RAD50: variants seen among roughly 807,000 people sequenced by gnomAD.
RAD50 encodes the protein RAD50 double strand break repair protein, also known as DNA repair protein RAD50.
RAD50 carries 132 observed loss-of-function variants against 168.8 expected under a neutral mutation model. The ratio of observed to expected loss-of-function variants is 0.78; its 90% confidence interval spans 0.68 to 0.90. The LOEUF (loss-of-function observed/expected upper bound fraction) is 0.90. Ranked by LOEUF, RAD50 falls within the 40% of genes least tolerant of loss-of-function variation. The pLI is 0.00. For missense variants in RAD50, 1,347 were observed against 1,534.4 expected (o/e 0.88, Z 2.04); for synonymous variants, 525 against 497.4 (o/e 1.06, Z -0.74).
At chr5:132,582,785 C>A (rs1292945904) in intron 5 of RAD50, among the ~76,000 whole-genome samples, 1 of 152,070 alleles carries the variant, frequency 6.6e-6, no homozygotes, top group Non-Finnish European at 1.5e-5. Context: ...GCTTTAAACC[C>A]TTGGCTGTTT....
Position 132,557,142 on chromosome 5 carries a change from C to A in RAD50, c.-183C>A. The A allele has an allele frequency of 2.4e-6, 2 of 841,774 alleles. No individual in the cohort carries two copies. The highest frequency in any genetic ancestry group is 3.8e-6 in the Non-Finnish European group (2 of 527,854). 52.1% of individuals were successfully genotyped at this position (841,774 alleles called of 1,614,324 possible). A position where few individuals can be genotyped will look rare whatever the true frequency, so the allele number is the denominator to read the frequency against. On this transcript the variant is annotated 5_prime_UTR_variant, in exon 1 of 25. Transcript: ENST00000378823. ...TGGTGTGGGAGGAAAGGCTCCATCC[C>A]CCGCCCCCTCTCTCCCGCTGTTGGC...
At chr5:132,625,400 A>T (rs990257211) in intron 21 of RAD50, among the ~76,000 whole-genome samples, 26 of 151,998 alleles carry the variant, frequency 1.7e-4, no homozygotes, top group African/African-American at 2.9e-4. Flanking sequence ...TCTTTTTTTT[A>T]AAAAAAGTTT....
At chr5:132,566,837 A>G (rs1750218014) in intron 2 of RAD50, among the ~76,000 whole-genome samples, 1 of 151,978 alleles carries the variant, frequency 6.6e-6, no homozygotes, top group African/African-American at 2.4e-5. Context: ...TCACGTAGTG[A>G]CTCAGATCTT....
intron 21 of RAD50, among the ~76,000 whole-genome samples, chr5:132,624,383 GT>G (rs199857038): frequency 1.3e-5 from 2 of 151,416 alleles, no homozygotes; most frequent in South Asian, 2.1e-4. Context: ...TTGTTTTTTG[GT>G]TTTTTTTGCC....
At chr5:132,595,984 CCTGT>C (rs1750785923) in intron 13 of RAD50, among the ~76,000 whole-genome samples, 174 bp downstream of exon 13, 1 of 151,860 alleles carries the variant, frequency 6.6e-6, no homozygotes, top group Non-Finnish European at 1.5e-5. Context: ...AAGCTTGTTT[CCTGT>C]CTTTTTTTCT....
At chr5:132,572,668 G>A (rs1750327410) in intron 2 of RAD50, among the ~76,000 whole-genome samples, 1 of 152,100 alleles carries the variant, frequency 6.6e-6, no homozygotes, top group Non-Finnish European at 1.5e-5. Flanking sequence ...CTTTAAGGGA[G>A]CATATTAAAT....
chr5:132,579,861 G>A lies in RAD50; in HGVS notation c.552-1G>A, dbSNP rs1236278956. 1.2e-6 allele frequency: 2 copies of A among 1,607,466 alleles called. No individual in the cohort carries two copies. Among genetic ancestry groups the A allele is most frequent in the Admixed American group, 3.3e-5 (2 of 59,974 alleles). Reference sequence around the variant, plus strand: ...TTGATTTTTGTTTCATATCTTCAAAGATACATTAAAGCCTTAGAAACACTT... The same window carrying A: ...TTGATTTTTGTTTCATATCTTCAAAAATACATTAAAGCCTTAGAAACACTT... On this transcript the variant is annotated splice_acceptor_variant, in intron 4 of 24. Transcript: ENST00000378823. LOFTEE classifies it high-confidence loss of function.
At chr5:132,575,981 T>G (rs955371186) in intron 3 of RAD50, 53 bp downstream of exon 3, 552 of 1,478,510 alleles carry the variant, frequency 3.7e-4, no homozygotes, top group Middle Eastern at 5.7e-4. Flanking sequence ...CTTTTAGGTC[T>G]GTAAGTTGAT....
At chr5:132,602,378 A>T (rs1048223742) in intron 13 of RAD50, among the ~76,000 whole-genome samples, 42 of 152,104 alleles carry the variant, frequency 2.8e-4, no homozygotes, top group African/African-American at 5.8e-4. Context: ...AATTTTTTTT[A>T]AAAGATTAAA....
rs1750643562 is a variant in RAD50 at position 132,588,778 on chromosome 5, T to A, written c.1143T>A (p.Asp381Glu). Residue 381 changes from aspartate (D) to glutamate (E), a missense_variant, in exon 8 of 25, where the codon GAT (aspartate) becomes GAA (glutamate). Transcript: ENST00000378823. ...CTTTGGCAACACAGCTAGAATTGGA[T>A]GGCTTTGAGCGTGGACCATTCAGTG... ...IQSLATQLEL[D>E]GFERGPFSER... 1 of 1,613,992 alleles carries A rather than the reference T, an allele frequency of 6.2e-7. No homozygotes were observed. Among genetic ancestry groups the A allele is most frequent in the African/African-American group, 1.3e-5 (1 of 75,022 alleles).
intron 21 of RAD50, among the ~76,000 whole-genome samples, chr5:132,619,844 A>C (rs1220709168): frequency 1.6e-5 from 2 of 122,158 alleles, no homozygotes; most frequent in African/African-American, 3.1e-5. Context: ...CTCTATATAT[A>C]TATATATAAA....
chr5:132,616,458 G>A (rs983825017), intron 20 of RAD50, among the ~76,000 whole-genome samples: 2 of 152,170 alleles, frequency 1.3e-5, no homozygotes, highest in Non-Finnish European at 2.9e-5. Context: ...CCTTGTCTGG[G>A]TCAGAGCTTG....
chr5:132,609,029 A>C (rs1321840377), intron 17 of RAD50, 88 bp from the exon 18 acceptor site: 4 of 1,548,146 alleles, frequency 2.6e-6, no homozygotes, highest in Non-Finnish European at 2.6e-6. Context: ...CCCAATGTTC[A>C]TAACTTCCCA....
chr5:132,594,513 A>G (rs1343857591), intron 11 of RAD50, among the ~76,000 whole-genome samples: 3 of 152,190 alleles, frequency 2.0e-5, no homozygotes, highest in Non-Finnish European at 2.9e-5. Flanking sequence ...TTGTGAAAGG[A>G]CTAAAGGGAA....
intron 5 of RAD50, among the ~76,000 whole-genome samples, chr5:132,584,046 A>G (rs1476667776): frequency 1.3e-5 from 2 of 152,050 alleles, no homozygotes; most frequent in African/African-American, 2.4e-5. Flanking sequence ...GTATGCATGT[A>G]TTATAATTTT....
rs551181949 is a variant in RAD50, at chr5:132,595,295, T to C, written c.1969+251T>C. ...TGAGGTGTGAATGAGATTGTAATTA[T>C]AAAGCCCTTAGAACAGTGCCTGGCA... On this transcript the variant is annotated intron_variant, in intron 12 of 24. Transcript: ENST00000378823. 1.7e-5 allele frequency: 10 copies of C among 574,084 alleles called. No homozygotes were observed. In the East Asian group the frequency reaches 2.4e-4, roughly 14 times the overall value. 35.6% of individuals were successfully genotyped at this position (574,084 alleles called of 1,614,324 possible). A position where few individuals can be genotyped will look rare whatever the true frequency, so the allele number is the denominator to read the frequency against.
intron 3 of RAD50, among the ~76,000 whole-genome samples, chr5:132,578,532 T>C (rs1222323404): frequency 7.0e-6 from 1 of 142,870 alleles, no homozygotes; most frequent in African/African-American, 2.6e-5. Flanking sequence ...TTCTTTTTTT[T>C]TTTTTTTTTT....
At chr5:132,576,052 T>C in intron 3 of RAD50, 124 bp downstream of exon 3, 1 of 1,023,414 alleles carries the variant, frequency 9.8e-7, no homozygotes, top group South Asian at 2.0e-5. Context: ...GACTTTAGAC[T>C]TTATTTTTTT....
At chr5:132,577,831 G>A (rs1175029192) in intron 3 of RAD50, among the ~76,000 whole-genome samples, 5 of 91,188 alleles carry the variant, frequency 5.5e-5, no homozygotes, top group Non-Finnish European at 9.4e-5. Flanking sequence ...TTTTTTTTGA[G>A]ATGGAGTCTT....
Sources: allele counts gnomAD v4.1 joint callset (sites outside exome capture counted in the v4.1 genomes callset), GRCh38; gene constraint gnomAD v4.1.1; transcripts MANE v1.5; gene names NCBI Gene and HGNC (gene_info 2026-07-23, HGNC 2026-07-21).